The following SUMF1 variants were observed in gnomAD, a reference collection of about 807,000 sequenced individuals.
SUMF1 encodes the protein sulfatase modifying factor 1.
Under a neutral mutation model 47.6 loss-of-function variants are expected in SUMF1, and 48 were observed. The ratio of observed to expected loss-of-function variants is 1.01; its 90% CI spans 0.80 to 1.28. The LOEUF is 1.28. SUMF1 is among the 50% of genes most tolerant of loss of function. The pLI is 0.00. For synonymous variants in SUMF1, 230 were observed against 192.1 expected (o/e 1.20, Z -1.63); for missense variants, 571 against 485.4 (o/e 1.18, Z -1.66).
chr3:4,357,324 T>C (rs534358975), downstream of SUMF1, among the ~76,000 whole-genome samples: 744 of 129,712 alleles, frequency 5.7e-3, 7 homozygotes, highest in African/African-American at 0.025. Context: ...TTTTTTTTTT[T>C]CAAGATATTC....
chr3:4,452,131 T>TAAA (rs953962047), intron 2 of SUMF1, among the ~76,000 whole-genome samples: 1 of 144,234 alleles, frequency 6.9e-6, no homozygotes, highest in Non-Finnish European at 1.5e-5. Context: ...TTTGGGGTCT[T>TAAA]AAAAAAAAAA....
chr3:4,231,489 C>T (rs1696298812), intron 8 of SUMF1, among the ~76,000 whole-genome samples: 1 of 152,046 alleles, frequency 6.6e-6, no homozygotes, highest in Non-Finnish European at 1.5e-5. Flanking sequence ...TTGCTGTTAC[C>T]CAAACAAGTT....
rs188843098 is a variant in SUMF1 at position 4,093,454 on chromosome 3, G to C, written c.1015-24709C>G. Among the ~76,000 whole-genome samples the C allele has an allele frequency of 1.2e-3, 189 of 152,142 alleles. 1 individual carries two copies. Among genetic ancestry groups the C allele is most frequent in the Admixed American group, 6.7e-3 (103 of 15,280 alleles). On this transcript the variant is annotated intron_variant and NMD_transcript_variant, in intron 8 of 12. Coordinates refer to the SUMF1 transcript ENST00000448413. Reference sequence around the variant, plus strand: ...TTGCAAATAGGAACACAGGGAGCAAGCACCTAACAGTGGTTGGGGAGAAGG... The same window carrying C: ...TTGCAAATAGGAACACAGGGAGCAACCACCTAACAGTGGTTGGGGAGAAGG...
chr3:4,118,428 A>T (rs578060916), intron 8 of SUMF1, among the ~76,000 whole-genome samples: 1 of 152,270 alleles, frequency 6.6e-6, no homozygotes, highest in South Asian at 2.1e-4. Context: ...AAAAAATAAG[A>T]AAATCAGAGA....
chr3:4,111,675 G>A (rs999570824), intron 8 of SUMF1, among the ~76,000 whole-genome samples: 6 of 151,992 alleles, frequency 3.9e-5, no homozygotes, highest in Middle Eastern at 3.2e-3. Flanking sequence ...GGGGGCAGAG[G>A]TTGCAGTGAG....
chr3:4,396,269 G>A (rs1247922823), intron 7 of SUMF1, among the ~76,000 whole-genome samples: 2 of 152,208 alleles, frequency 1.3e-5, no homozygotes. Flanking sequence ...CTCATAGACT[G>A]TAACATTTTT....
intron 7 of SUMF1, among the ~76,000 whole-genome samples, chr3:4,409,519 C>T (rs1290174335): frequency 6.6e-6 from 1 of 152,174 alleles, no homozygotes; most frequent in Non-Finnish European, 1.5e-5. Flanking sequence ...AACTTGCCAG[C>T]ATTCTAAGGC....
At chr3:4,417,046 G>C (rs1159713902) in intron 6 of SUMF1, 82 bp downstream of exon 6, 5 of 1,275,656 alleles carry the variant, frequency 3.9e-6, no homozygotes, top group Admixed American at 3.4e-5. Context: ...GTCACAAAGT[G>C]AGCAATGCCT....
chr3:4,467,034 G>T lies in SUMF1; in HGVS notation c.212C>A (p.Ser71Ter). ...HGSSAAAHRY[S>*]REANAPGPVP... ...GGGGCCCGGAGCGTTAGCCTCCCGC[G>T]AGTATCGGTGAGCGGCTGCCGAACT... Residue 71 changes from serine to a stop codon, truncating the protein, a stop_gained, in exon 1 of 9, where the codon TCG becomes TAG. Coordinates refer to ENST00000272902, the MANE Select transcript of SUMF1 (RefSeq NM_182760.4). LOFTEE classifies it high-confidence loss of function. The T allele has an allele frequency of 6.3e-7, 1 of 1,577,944 alleles. No individual in the cohort carries two copies. Among genetic ancestry groups the T allele is most frequent in the Admixed American group, 1.8e-5 (1 of 54,526 alleles).
At chr3:4,174,263 G>T (rs1471639032) in intron 8 of SUMF1, among the ~76,000 whole-genome samples, 1 of 147,376 alleles carries the variant, frequency 6.8e-6, no homozygotes, top group Non-Finnish European at 1.5e-5. Flanking sequence ...GGCTGAGGCA[G>T]AAGAATGGCA....
chr3:4,221,639 TA>T (rs1330664627), intron 8 of SUMF1, among the ~76,000 whole-genome samples: 8 of 152,118 alleles, frequency 5.3e-5, no homozygotes, highest in African/African-American at 1.9e-4. Flanking sequence ...AAATGTTTAC[TA>T]AATGAATGCC....
At chr3:4,225,747 A>C (rs1017470411) in intron 8 of SUMF1, among the ~76,000 whole-genome samples, 6 of 152,108 alleles carry the variant, frequency 3.9e-5, no homozygotes, top group Non-Finnish European at 8.8e-5. Context: ...ATTAAGAAAA[A>C]TCCCTGAAGT....
intron 8 of SUMF1, among the ~76,000 whole-genome samples, chr3:4,188,474 C>T (rs1695249023): frequency 6.6e-6 from 1 of 152,098 alleles, no homozygotes; most frequent in South Asian, 2.1e-4. Context: ...TACCCCAATC[C>T]ATGATGAAAC....
intron 8 of SUMF1, among the ~76,000 whole-genome samples, chr3:4,215,082 G>A (rs745530321): frequency 9.2e-5 from 14 of 152,112 alleles, no homozygotes; most frequent in Non-Finnish European, 1.6e-4. Context: ...AAATCTGGCA[G>A]AGACACAACA....
intron 8 of SUMF1, among the ~76,000 whole-genome samples, chr3:4,096,135 A>G (rs1025003372): frequency 1.1e-4 from 16 of 152,158 alleles, no homozygotes; most frequent in Non-Finnish European, 2.2e-4. Flanking sequence ...TTTCATTTAC[A>G]TGGCCACATT....
chr3:4,281,552 GCT>G (rs1697529490), intron 8 of SUMF1, among the ~76,000 whole-genome samples: 1 of 152,092 alleles, frequency 6.6e-6, no homozygotes, highest in Non-Finnish European at 1.5e-5. Context: ...CAGAACCAGC[GCT>G]CTGAGACTTG....
At chr3:4,051,920 G>A (rs73119805) in intron 9 of SUMF1, among the ~76,000 whole-genome samples, 30,069 of 152,034 alleles carry the variant, frequency 0.2, 3,741 homozygotes, top group Middle Eastern at 0.29. Flanking sequence ...TATGAGTGAC[G>A]TAAACCAAGA....
intron 8 of SUMF1, among the ~76,000 whole-genome samples, chr3:4,236,671 T>A (rs1232443774): frequency 6.6e-6 from 1 of 152,076 alleles, no homozygotes; most frequent in Non-Finnish European, 1.5e-5. Flanking sequence ...AGTACAGAGT[T>A]CTCATATATC....
chr3:4,417,059 C>T (rs1405112039), intron 6 of SUMF1, 69 bp downstream of exon 6: 21 of 1,430,114 alleles, frequency 1.5e-5, no homozygotes, highest in Non-Finnish European at 2.1e-5. Context: ...CAATGCCTTT[C>T]ACCCCATGTC....
Sources: allele counts gnomAD v4.1 joint callset (sites outside exome capture counted in the v4.1 genomes callset), GRCh38; gene constraint gnomAD v4.1.1; transcripts MANE v1.5; gene names NCBI Gene and HGNC (gene_info 2026-07-23, HGNC 2026-07-21).